Variants in TENM3 observed in about 807,000 individuals in gnomAD.
TENM3 encodes teneurin-3.
Under a neutral mutation model 255.1 loss-of-function variants are expected in TENM3, and 63 were observed. That is an observed-to-expected ratio of 0.25 (90% CI 0.20 to 0.30). The LOEUF is 0.30. Among genes scored for constraint, TENM3 ranks in the 10% least tolerant of loss-of-function variants. The pLI is 1.00. For missense variants in TENM3, 2,929 were observed against 3,461.1 expected (o/e 0.85, Z 3.86); for synonymous variants, 1,306 against 1,322.3 (o/e 0.99, Z 0.27).
At chr4:182,010,894 C>CAT in the TENM3 span, among the ~76,000 whole-genome samples, 1 of 152,164 alleles carries the variant, frequency 6.6e-6, no homozygotes, top group African/African-American at 2.4e-5. Flanking sequence ...GCATTCTATG[C>CAT]CATCAGCAGT....
chr4:181,513,728 C>T, the TENM3 span, among the ~76,000 whole-genome samples: 1 of 152,178 alleles, frequency 6.6e-6, no homozygotes, highest in Non-Finnish European at 1.5e-5. Context: ...TGTCATAAAA[C>T]AGCTGAGGCT....
At chr4:182,595,643 G>T (rs1336738308) in intron 3 of TENM3, among the ~76,000 whole-genome samples, 2 of 152,098 alleles carry the variant, frequency 1.3e-5, no homozygotes, top group African/African-American at 2.4e-5. Context: ...GGAAAGGCAC[G>T]TGGAAAGAAA....
At chr4:182,314,114 C>T (rs1407772841) in intron 1 of TENM3, among the ~76,000 whole-genome samples, 2 of 152,072 alleles carry the variant, frequency 1.3e-5, no homozygotes, top group Non-Finnish European at 2.9e-5. Flanking sequence ...AGATCGAGAC[C>T]ATGATGAAAC....
chr4:182,727,226 C>T (rs1419056840), intron 13 of TENM3, among the ~76,000 whole-genome samples: 5 of 151,974 alleles, frequency 3.3e-5, no homozygotes, highest in Admixed American at 6.6e-5. Context: ...GAGGCCTAGG[C>T]GGGTGGATCA....
At chr4:181,641,146 T>C in the TENM3 span, among the ~76,000 whole-genome samples, 301 of 152,202 alleles carry the variant, frequency 2.0e-3, 3 homozygotes, top group Middle Eastern at 6.8e-3. Context: ...TTGGTACCAA[T>C]AACTGCATAA....
At chr4:182,085,689 A>G in the TENM3 span, among the ~76,000 whole-genome samples, 41 of 152,340 alleles carry the variant, frequency 2.7e-4, no homozygotes, top group Non-Finnish European at 5.1e-4. Flanking sequence ...TGCCTAAACT[A>G]GCATGAGCAA....
intron 1 of TENM3, among the ~76,000 whole-genome samples, chr4:182,271,402 C>T (rs1431560593): frequency 2.0e-5 from 3 of 152,120 alleles, no homozygotes; most frequent in African/African-American, 4.8e-5. Context: ...CTCCCCCTTG[C>T]AATCATCGGT....
At chr4:181,546,441 C>T in the TENM3 span, among the ~76,000 whole-genome samples, 1 of 150,704 alleles carries the variant, frequency 6.6e-6, no homozygotes, top group African/African-American at 2.4e-5. Context: ...TGAGGCTGAG[C>T]GCGGTGGCTC....
At chr4:182,486,008 G>T (rs1261665371) in intron 3 of TENM3, among the ~76,000 whole-genome samples, 1 of 152,130 alleles carries the variant, frequency 6.6e-6, no homozygotes, top group Non-Finnish European at 1.5e-5. Context: ...GGAAAGCTGA[G>T]CTAGGGACAT....
At chr4:182,476,256 C>T (rs546941037) in intron 3 of TENM3, among the ~76,000 whole-genome samples, 11 of 152,184 alleles carry the variant, frequency 7.2e-5, no homozygotes, top group Middle Eastern at 3.4e-3. Context: ...CCTCTATATC[C>T]AGAGGCAGAA....
intron 13 of TENM3, among the ~76,000 whole-genome samples, chr4:182,728,569 G>A (rs1055218863): frequency 2.0e-5 from 3 of 152,138 alleles, no homozygotes; most frequent in Non-Finnish European, 4.4e-5. Flanking sequence ...ATTTCATCAT[G>A]GTAGAGCATC....
chr4:181,526,216 C>T, the TENM3 span, among the ~76,000 whole-genome samples: 1 of 151,402 alleles, frequency 6.6e-6, no homozygotes, highest in Non-Finnish European at 1.5e-5. Context: ...AAGACGAGTT[C>T]TATGGAATTT....
intron 1 of TENM3, among the ~76,000 whole-genome samples, chr4:182,161,801 A>T (rs1477553054): frequency 0.019 from 1,019 of 53,692 alleles, 326 homozygotes; most frequent in African/African-American, 0.084. Flanking sequence ...ATGTATATAT[A>T]TACACATATA....
At chr4:182,500,675 A>G (rs940020304) in intron 3 of TENM3, among the ~76,000 whole-genome samples, 7 of 152,132 alleles carry the variant, frequency 4.6e-5, no homozygotes, top group Non-Finnish European at 5.9e-5. Context: ...AAGAGAGACA[A>G]ATGTATGGGG....
the TENM3 span, among the ~76,000 whole-genome samples, chr4:182,118,630 T>C: frequency 2.6e-5 from 4 of 151,946 alleles, no homozygotes; most frequent in Non-Finnish European, 4.4e-5. Flanking sequence ...TGAGAACATA[T>C]CTCACTGTTC....
chr4:182,388,558 A>G (rs1028022708), intron 3 of TENM3, among the ~76,000 whole-genome samples: 3 of 152,210 alleles, frequency 2.0e-5, no homozygotes, highest in Non-Finnish European at 4.4e-5. Context: ...CTATGCAGCA[A>G]CTTTTCCTTG....
At chr4:182,639,864 G>A (rs1021001979) in intron 5 of TENM3, among the ~76,000 whole-genome samples, 1 of 152,106 alleles carries the variant, frequency 6.6e-6, no homozygotes, top group Non-Finnish European at 1.5e-5. Context: ...GCCTGAGGCG[G>A]GCAGATCACG....
the TENM3 span, among the ~76,000 whole-genome samples, chr4:182,092,345 T>C: frequency 9.4e-5 from 14 of 148,890 alleles, no homozygotes; most frequent in South Asian, 1.9e-3. Flanking sequence ...AATAAATAAA[T>C]AAACAAACAA....
intron 1 of TENM3, among the ~76,000 whole-genome samples, chr4:182,205,998 G>A (rs1279101434): frequency 1.3e-5 from 2 of 151,570 alleles, no homozygotes; most frequent in Non-Finnish European, 2.9e-5. Flanking sequence ...GCCAAAAGAC[G>A]TGAAAGCAAC....
Sources: allele counts gnomAD v4.1 joint callset (sites outside exome capture counted in the v4.1 genomes callset), GRCh38; gene constraint gnomAD v4.1.1; transcripts MANE v1.5; gene names NCBI Gene and HGNC (gene_info 2026-07-23, HGNC 2026-07-21).